RYR2: variants seen among roughly 807,000 people sequenced by gnomAD.
RYR2 encodes the protein cardiac muscle ryanodine receptor-calcium release channel.
RYR2 carries 227 observed loss-of-function variants against 601.1 expected under a neutral mutation model. The ratio of observed to expected loss-of-function variants is 0.38; its 90% CI spans 0.34 to 0.42. The LOEUF (loss-of-function observed/expected upper bound fraction) is 0.42. Ranked by LOEUF, RYR2 falls within the 10% of genes least tolerant of loss-of-function variation. The pLI is 1.00. For synonymous variants in RYR2, 2,223 were observed against 2,175.1 expected (o/e 1.02, Z -0.61); for missense variants, 4,646 against 6,156.5 (o/e 0.75, Z 8.21).
chr1:237,233,035 G>C (rs1283358236), intron 1 of RYR2, among the ~76,000 whole-genome samples: 2 of 152,198 alleles, frequency 1.3e-5, no homozygotes, highest in Non-Finnish European at 2.9e-5. Context: ...TTAGCAGTAA[G>C]CTATGCATAA....
intron 24 of RYR2, among the ~76,000 whole-genome samples, chr1:237,512,802 T>C (rs1010880447): frequency 2.0e-5 from 3 of 152,082 alleles, no homozygotes; most frequent in African/African-American, 4.8e-5. Context: ...GCCTGGGAGA[T>C]TGAGGCTCCA....
At chr1:237,458,273 C>CA (rs1265449733) in intron 16 of RYR2, among the ~76,000 whole-genome samples, 1 of 151,904 alleles carries the variant, frequency 6.6e-6, no homozygotes, top group African/African-American at 2.4e-5. Context: ...ACTAAAAATA[C>CA]AAAAAATTAG....
At chr1:237,187,853 C>T (rs1679542518) in intron 1 of RYR2, among the ~76,000 whole-genome samples, 1 of 152,130 alleles carries the variant, frequency 6.6e-6, no homozygotes, top group African/African-American at 2.4e-5. Flanking sequence ...CCTAAGTACA[C>T]CTTTTAGAGC....
chr1:237,684,065 T>C (rs1274946780), intron 62 of RYR2, among the ~76,000 whole-genome samples: 3 of 152,008 alleles, frequency 2.0e-5, no homozygotes, highest in Admixed American at 2.0e-4. Flanking sequence ...GTAGCTGGGA[T>C]TACAGGCACC....
At chr1:237,434,070 A>G (rs1207551275) in intron 12 of RYR2, among the ~76,000 whole-genome samples, 6 of 152,222 alleles carry the variant, frequency 3.9e-5, no homozygotes, top group African/African-American at 1.4e-4. Flanking sequence ...CTGAAAAGAA[A>G]ATCAATTCTT....
intron 1 of RYR2, among the ~76,000 whole-genome samples, chr1:237,083,644 A>G (rs1665991682): frequency 6.6e-6 from 1 of 152,134 alleles, no homozygotes; most frequent in African/African-American, 2.4e-5. Context: ...AAACATCTGC[A>G]GGTCTTCCTT....
chr1:237,433,871 TA>T lies in RYR2; in HGVS notation c.1006-7440del, dbSNP rs779079846. Among the ~76,000 whole-genome samples, 131 of 152,152 alleles carry T rather than the reference TA, an allele frequency of 8.6e-4. 2 individuals are homozygous for T. In the East Asian group the frequency reaches 0.018, roughly 21 times the overall value. On this transcript the variant is annotated intron_variant, in intron 12 of 104. Transcript: ENST00000366574. Reference sequence around the variant, plus strand: ...ACTTACATTATGAAAGGCAAACACTTAAAAAAAATGATGTAACATATATCTT... The same window carrying T: ...ACTTACATTATGAAAGGCAAACACTTAAAAAAATGATGTAACATATATCTT...
At chr1:237,502,361 C>T (rs987832437) in intron 21 of RYR2, among the ~76,000 whole-genome samples, 4 of 152,072 alleles carry the variant, frequency 2.6e-5, no homozygotes, top group African/African-American at 9.7e-5. Context: ...AAACAATTAG[C>T]GATAAGGTTA....
chr1:237,590,521 T>C, intron 30 of RYR2, 119 bp from the exon 31 acceptor site: 1 of 697,262 alleles, frequency 1.4e-6, no homozygotes, highest in Non-Finnish European at 2.3e-6. Context: ...TCTTACAAAA[T>C]GATGCCATGT....
At chr1:237,634,191 C>T (rs953110222) in intron 43 of RYR2, among the ~76,000 whole-genome samples, 3 of 152,042 alleles carry the variant, frequency 2.0e-5, no homozygotes, top group African/African-American at 7.2e-5. Flanking sequence ...TTCACAATAG[C>T]TGAGATATGG....
At chr1:237,325,334 A>G (rs890334665) in intron 2 of RYR2, among the ~76,000 whole-genome samples, 2 of 152,246 alleles carry the variant, frequency 1.3e-5, no homozygotes, top group African/African-American at 2.4e-5. Context: ...ATATATTTCT[A>G]CATGCCATGA....
chr1:237,760,895 C>G lies in RYR2; in HGVS notation c.11403-60C>G, dbSNP rs557132343. 9 of 1,104,992 alleles carry G rather than the reference C, an allele frequency of 8.1e-6. No homozygotes were observed. The East Asian group carries it at 2.3e-4, about 28-fold the overall frequency. The allele number at this position is 1,104,992 out of a possible 1,614,324, so 68.4% of individuals were successfully genotyped here. On this transcript the variant is annotated intron_variant, in intron 83 of 104. Transcript: ENST00000366574. ...ATATGGTGTTTAGATGTTTGCTCTC[C>G]TGAGCAAAGAAAATGTTCTATTAGT...
intron 97 of RYR2, chr1:237,800,140 A>AAATAAG (rs1659788248): frequency 6.6e-6 from 1 of 152,222 alleles, no homozygotes; most frequent in Admixed American, 6.5e-5. Flanking sequence ...TAGAGATGGA[A>AAATAAG]AATAACTCAT....
At chr1:237,657,846 A>C (rs1481587037) in intron 53 of RYR2, 98 bp from the exon 54 acceptor site, 1 of 604,488 alleles carries the variant, frequency 1.7e-6, no homozygotes, top group African/African-American at 2.0e-5. Context: ...TTAAAATTGA[A>C]TGAGATATAA....
chr1:237,329,920 G>A (rs1696546805), intron 2 of RYR2, among the ~76,000 whole-genome samples: 1 of 152,108 alleles, frequency 6.6e-6, no homozygotes, highest in South Asian at 2.1e-4. Context: ...GATATACACA[G>A]AACAGGACCA....
intron 74 of RYR2, among the ~76,000 whole-genome samples, chr1:237,725,754 G>A (rs1041739673): frequency 2.0e-5 from 3 of 152,070 alleles, no homozygotes; most frequent in South Asian, 2.1e-4. Context: ...TAAAATGCCT[G>A]CCAAATGATA....
At chr1:237,644,063 T>C (rs1388063212) in intron 48 of RYR2, among the ~76,000 whole-genome samples, 2 of 152,210 alleles carry the variant, frequency 1.3e-5, no homozygotes, top group African/African-American at 4.8e-5. Context: ...CCTTGTGTCA[T>C]TGGTCGCAAG....
In RYR2 at chr1:237,610,815, G is replaced by A. The variant is rs1349534674; in HGVS notation, c.4737G>A (p.Val1579=). 2 of 1,611,882 alleles carry A rather than the reference G, an allele frequency of 1.2e-6. No individual in the cohort carries two copies. The highest frequency in any genetic ancestry group is 1.1e-5 in the South Asian group (1 of 90,596). ...TCAAGAGTGAGCACAAGAACCCCGTGCCGCAGTGCCCCCCGCGCCTCCACG... is the reference window on the plus strand; with the variant it reads ...TCAAGAGTGAGCACAAGAACCCCGTACCGCAGTGCCCCCCGCGCCTCCACG... ...GLFKSEHKNP[V]PQCPPRLHVQ... is the part of the protein sequence containing the mutation. Residue 1579 remains valine (V), a synonymous_variant, in exon 36 of 105, where the codon GTG becomes GTA. Transcript: ENST00000366574. The surrounding 1 kb of genome is among the most constrained non-coding windows in gnomAD (Gnocchi z 4.9).
intron 12 of RYR2, among the ~76,000 whole-genome samples, chr1:237,428,207 T>C (rs1244754404): frequency 6.6e-6 from 1 of 152,154 alleles, no homozygotes; most frequent in Non-Finnish European, 1.5e-5. Context: ...TCCTCAAGGA[T>C]CTAGAACCAG....
Sources: allele counts gnomAD v4.1 joint callset (sites outside exome capture counted in the v4.1 genomes callset), GRCh38; gene constraint gnomAD v4.1.1; non-coding constraint Gnocchi (gnomAD v3.1); transcripts MANE v1.5; gene names NCBI Gene and HGNC (gene_info 2026-07-23, HGNC 2026-07-21).